FAM107B: variants seen among roughly 807,000 people sequenced by gnomAD.
The protein encoded by FAM107B is family with sequence similarity 107 member B, also known as protein FAM107B.
FAM107B carries 21 observed loss-of-function variants against 31.5 expected under a neutral mutation model. The ratio of observed to expected loss-of-function variants is 0.67; its 90% confidence interval spans 0.47 to 0.96. The LOEUF (loss-of-function observed/expected upper bound fraction) is 0.96, where lower values mean the gene tolerates loss of function less well. Ranked by LOEUF, FAM107B falls within the 40% of genes least tolerant of loss-of-function variation. FAM107B has a pLI of 0.00. For missense variants in FAM107B, 452 were observed against 377.1 expected, an observed-to-expected ratio of 1.20 and a Z score of -1.64; for synonymous variants, 157 against 141.5, an observed-to-expected ratio of 1.11 and a Z score of -0.78.
chr10:14,659,709 A>T (rs925844517), intron 2 of FAM107B, among the ~76,000 whole-genome samples: 1 of 152,164 alleles, frequency 6.6e-6, no homozygotes, highest in African/African-American at 2.4e-5. Flanking sequence ...CACGACATGA[A>T]AGTAAAAGCA....
chr10:14,729,019 G>T (rs149903548), intron 1 of FAM107B, among the ~76,000 whole-genome samples: 26 of 152,032 alleles, frequency 1.7e-4, no homozygotes, highest in African/African-American at 6.3e-4. Flanking sequence ...TTTAAATGGG[G>T]TCTTGCTCTT....
In FAM107B at chr10:14,760,304, T is replaced by C. The variant is rs144310906; in HGVS notation, c.411+13949A>G. Among the ~76,000 whole-genome samples the C allele has an allele frequency of 2.6e-3, 396 of 152,320 alleles. 4 individuals are homozygous for C. Among genetic ancestry groups the C allele is most frequent in the African/African-American group, 8.6e-3 (356 of 41,558 alleles). On this transcript the variant is annotated intron_variant, in intron 1 of 4. Coordinates refer to ENST00000181796, the MANE Select transcript of FAM107B (RefSeq NM_031453.4). ...TTTCTTGCACGGCAGAGAACGAACC[T>C]CTGGATGTGCCAGTTTTCCGGTTTG...
intron 1 of FAM107B, among the ~76,000 whole-genome samples, chr10:14,720,814 A>G (rs1343507268): frequency 6.6e-6 from 1 of 152,170 alleles, no homozygotes; most frequent in African/African-American, 2.4e-5. Flanking sequence ...TAGAATATCT[A>G]ATAATTTCAA....
At chr10:14,581,278 T>C (rs1172832911) in intron 2 of FAM107B, among the ~76,000 whole-genome samples, 2 of 152,168 alleles carry the variant, frequency 1.3e-5, no homozygotes, top group African/African-American at 4.8e-5. Context: ...GACAGGGATC[T>C]GGAGAAACAC....
At chr10:14,675,374 G>A (rs1469281403) in intron 1 of FAM107B, among the ~76,000 whole-genome samples, 2 of 152,100 alleles carry the variant, frequency 1.3e-5, no homozygotes, top group African/African-American at 4.8e-5. Context: ...ACTGGTCTCT[G>A]ACTTTCCGAG....
At chr10:14,677,893 G>A (rs1002828471) in intron 1 of FAM107B, among the ~76,000 whole-genome samples, 2 of 152,176 alleles carry the variant, frequency 1.3e-5, no homozygotes, top group African/African-American at 4.8e-5. Context: ...ATTAAAAAGC[G>A]GTGTATTGAT....
chr10:14,560,291 CCAAGA>C (rs1850125680), intron 2 of FAM107B, among the ~76,000 whole-genome samples: 1 of 152,142 alleles, frequency 6.6e-6, no homozygotes, highest in Non-Finnish European at 1.5e-5. Context: ...AAGAACAACT[CCAAGA>C]TCCCTTTTAA....
Position 14,634,841 on chromosome 10 carries a change from G to T in FAM107B, c.469+32793C>A, listed in dbSNP as rs185972317. On this transcript the variant is annotated intron_variant, in intron 2 of 4. Transcript: ENST00000181796. ...TGCGGTGTCTCACGCCTATAATCCAGCACTTTAGGAGGCCGAGGCAGGCAG... is the reference window on the plus strand; with the variant it reads ...TGCGGTGTCTCACGCCTATAATCCATCACTTTAGGAGGCCGAGGCAGGCAG... Among the ~76,000 whole-genome samples the T allele has an allele frequency of 1.6e-3, 239 of 152,214 alleles. 1 individual carries two copies. Among genetic ancestry groups the T allele is most frequent in the Non-Finnish European group, 2.5e-3 (169 of 68,002 alleles).
intron 1 of FAM107B, among the ~76,000 whole-genome samples, chr10:14,741,992 G>A (rs193008577): frequency 2.6e-4 from 40 of 152,166 alleles, no homozygotes; most frequent in African/African-American, 9.4e-4. Context: ...GGGATTACAG[G>A]CATGAGCCAC....
chr10:14,604,013 C>G (rs1313768509), intron 2 of FAM107B, among the ~76,000 whole-genome samples: 1 of 146,928 alleles, frequency 6.8e-6, no homozygotes, highest in African/African-American at 2.4e-5. Context: ...GCGCCCCCCG[C>G]ACGGCCCCGC....
At chr10:14,627,596 G>A (rs764109477) in intron 2 of FAM107B, among the ~76,000 whole-genome samples, 9 of 152,096 alleles carry the variant, frequency 5.9e-5, no homozygotes, top group Non-Finnish European at 1.2e-4. Context: ...CAACATTAAC[G>A]ACACCCCATC....
At chr10:14,666,622 T>C (rs762271203) in intron 2 of FAM107B, among the ~76,000 whole-genome samples, 1 of 152,158 alleles carries the variant, frequency 6.6e-6, no homozygotes, top group Non-Finnish European at 1.5e-5. Flanking sequence ...AATGCCAAGA[T>C]GGTTGGGAAC....
chr10:14,724,098 T>G (rs1449550998), intron 1 of FAM107B: 3 of 604,342 alleles, frequency 5.0e-6, no homozygotes, highest in Non-Finnish European at 9.0e-6. Flanking sequence ...TCCAGAACAA[T>G]GCCAAATGGA....
At chr10:14,522,889 C>G (rs1845817280) in intron 3 of FAM107B, among the ~76,000 whole-genome samples, 1 of 152,026 alleles carries the variant, frequency 6.6e-6, no homozygotes, top group East Asian at 1.9e-4. Flanking sequence ...AACCTTAATC[C>G]CCTAATTCTC....
At chr10:14,733,139 A>T (rs988402373) in intron 1 of FAM107B, among the ~76,000 whole-genome samples, 1 of 150,738 alleles carries the variant, frequency 6.6e-6, no homozygotes, top group Admixed American at 6.6e-5. Flanking sequence ...TTAAAATATT[A>T]GATATTCAGA....
At chr10:14,582,111 T>C (rs1571037) in intron 2 of FAM107B, among the ~76,000 whole-genome samples, 29,862 of 151,968 alleles carry the variant, frequency 0.2, 3,244 homozygotes, top group East Asian at 0.43. Flanking sequence ...TCTTCAACCA[T>C]AGAGAATAGC....
intron 2 of FAM107B, among the ~76,000 whole-genome samples, chr10:14,548,044 C>A (rs1330743677): frequency 6.6e-6 from 1 of 152,194 alleles, no homozygotes; most frequent in Non-Finnish European, 1.5e-5. Flanking sequence ...ACAACCAATA[C>A]GCAGGCTTCG....
At chr10:14,712,022 T>C (rs1201305389) in intron 1 of FAM107B, among the ~76,000 whole-genome samples, 5 of 152,180 alleles carry the variant, frequency 3.3e-5, no homozygotes, top group Non-Finnish European at 7.4e-5. Flanking sequence ...CCTGTAGTAG[T>C]CTAAGGCTTA....
At chr10:14,610,101 C>T (rs1429273860) in intron 2 of FAM107B, among the ~76,000 whole-genome samples, 1 of 152,134 alleles carries the variant, frequency 6.6e-6, no homozygotes, top group East Asian at 1.9e-4. Context: ...TCCAGCACTT[C>T]CGGAGGCCGA....
Sources: gnomAD v4.1 joint callset for allele counts (sites outside exome capture counted in the v4.1 genomes callset) on GRCh38, gnomAD v4.1.1 for gene constraint, MANE v1.5 for transcripts, NCBI Gene and HGNC (gene_info 2026-07-23, HGNC 2026-07-21) for gene names.